Variants in PDE4B observed in about 807,000 individuals in gnomAD.
PDE4B encodes phosphodiesterase 4B, also known as 3',5'-cyclic-AMP phosphodiesterase 4B.
Under a neutral mutation model 82.2 loss-of-function variants are expected in PDE4B, and 20 were observed. The ratio of observed to expected loss-of-function variants is 0.24; its 90% CI spans 0.17 to 0.35. The LOEUF (loss-of-function observed/expected upper bound fraction) is 0.35. Ranked by LOEUF, PDE4B falls within the 10% of genes least tolerant of loss-of-function variation. The pLI, the probability that PDE4B is intolerant of heterozygous loss-of-function variation, is 1.00. For missense variants in PDE4B, 655 were observed against 907.2 expected, an observed-to-expected ratio of 0.72 and a Z score of 3.57; for synonymous variants, 320 against 318.9, an observed-to-expected ratio of 1.00 and a Z score of -0.04.
chr1:66,058,448 C>T (rs1214089299), intron 3 of PDE4B, among the ~76,000 whole-genome samples: 1 of 152,238 alleles, frequency 6.6e-6, no homozygotes, highest in East Asian at 1.9e-4. Flanking sequence ...TGTGGGGGCT[C>T]TGACTACACA....
At chr1:66,289,222 G>A (rs980774761) in intron 7 of PDE4B, among the ~76,000 whole-genome samples, 1 of 152,062 alleles carries the variant, frequency 6.6e-6, no homozygotes, top group Non-Finnish European at 1.5e-5. Context: ...GAGCCATGAT[G>A]GTGTCTCTGC....
chr1:66,010,493 A>G (rs1181670728), intron 3 of PDE4B, among the ~76,000 whole-genome samples: 10 of 151,852 alleles, frequency 6.6e-5, no homozygotes, highest in Admixed American at 5.9e-4. Context: ...TGTACCTAGT[A>G]TACTATCTAA....
rs569022171 is a variant in PDE4B, at chr1:66,250,156, T to C, written c.476+2502T>C. Among the ~76,000 whole-genome samples, 62 of 152,298 alleles carry C rather than the reference T, an allele frequency of 4.1e-4. No homozygotes were observed. The South Asian group carries it at 0.013, about 31-fold the overall frequency. ...TCATATGATTATTAACTCTTTAAGATGAATCGAAACAGAGGAACAGCAGCT... is the reference window on the plus strand; with the variant it reads ...TCATATGATTATTAACTCTTTAAGACGAATCGAAACAGAGGAACAGCAGCT... On this transcript the variant is annotated intron_variant, in intron 4 of 16. Coordinates refer to ENST00000341517, the MANE Select transcript of PDE4B (RefSeq NM_002600.4).
intron 3 of PDE4B, among the ~76,000 whole-genome samples, chr1:66,004,655 G>T (rs1652047753): frequency 6.6e-6 from 1 of 151,788 alleles, no homozygotes; most frequent in Admixed American, 6.6e-5. Context: ...ACATTTAATG[G>T]TCTTTTCAAA....
At chr1:66,275,547 A>G (rs1201440121) in intron 7 of PDE4B, among the ~76,000 whole-genome samples, 1 of 152,196 alleles carries the variant, frequency 6.6e-6, no homozygotes, top group Non-Finnish European at 1.5e-5. Context: ...AGGAGGTTGG[A>G]GTTAGCCTAG....
intron 6 of PDE4B, 79 bp downstream of exon 6, chr1:66,257,942 A>G (rs1379646692): frequency 2.0e-5 from 19 of 943,538 alleles, no homozygotes; most frequent in Non-Finnish European, 2.9e-5. Context: ...AAAAAATACA[A>G]CTATTACATG....
At chr1:66,170,752 T>C (rs1185926752) in intron 3 of PDE4B, among the ~76,000 whole-genome samples, 1 of 152,146 alleles carries the variant, frequency 6.6e-6, no homozygotes, top group Non-Finnish European at 1.5e-5. Flanking sequence ...ATTTTGAAGA[T>C]TAACACAGCA....
chr1:65,944,770 G>C (rs1648617767), intron 3 of PDE4B, among the ~76,000 whole-genome samples: 1 of 151,814 alleles, frequency 6.6e-6, no homozygotes, highest in Non-Finnish European at 1.5e-5. Flanking sequence ...CTTGGGTCTG[G>C]AGATTTGGAG....
intron 3 of PDE4B, among the ~76,000 whole-genome samples, chr1:66,187,643 G>A (rs1312375021): frequency 6.6e-6 from 1 of 152,208 alleles, no homozygotes; most frequent in African/African-American, 2.4e-5. Context: ...AGTATTCTCT[G>A]ATGGTAGTTG....
At chr1:66,298,252 T>C (rs1657646679) in intron 7 of PDE4B, among the ~76,000 whole-genome samples, 1 of 152,020 alleles carries the variant, frequency 6.6e-6, no homozygotes, top group Non-Finnish European at 1.5e-5. Flanking sequence ...ATTTTGAAAA[T>C]AGGAGGAGGA....
intron 7 of PDE4B, among the ~76,000 whole-genome samples, chr1:66,314,864 A>G (rs141766769): frequency 1.1e-4 from 16 of 152,354 alleles, no homozygotes; most frequent in African/African-American, 3.8e-4. Context: ...CTTATGAAGT[A>G]CCTGCTCTGT....
At chr1:66,173,192 T>C (rs1455689139) in intron 3 of PDE4B, among the ~76,000 whole-genome samples, 1 of 152,190 alleles carries the variant, frequency 6.6e-6, no homozygotes, top group Non-Finnish European at 1.5e-5. Context: ...TAGCATAGCA[T>C]GACTCATCCT....
At chr1:66,191,833 CA>C (rs1053140641) in intron 3 of PDE4B, among the ~76,000 whole-genome samples, 1 of 152,022 alleles carries the variant, frequency 6.6e-6, no homozygotes, top group Admixed American at 6.6e-5. Flanking sequence ...AGCAGCAGAC[CA>C]GGGGGAATGA....
chr1:66,368,973 T>G lies in PDE4B; in HGVS notation c.1845+4T>G. 1 of 1,597,474 alleles carries G rather than the reference T, an allele frequency of 6.3e-7. No homozygotes were observed. Among genetic ancestry groups the G allele is most frequent in the Non-Finnish European group, 8.5e-7 (1 of 1,170,670 alleles). On this transcript the variant is annotated splice_donor_region_variant and intron_variant, in intron 16 of 16. Transcript: ENST00000341517. ...AGCTTCTGTGGAAAAATCCCAGGTA[T>G]CTAATATGAGATTTTCAAAGTTTTT...
intron 1 of PDE4B, among the ~76,000 whole-genome samples, chr1:65,858,015 T>C (rs1646412696): frequency 6.6e-6 from 1 of 152,238 alleles, no homozygotes; most frequent in Non-Finnish European, 1.5e-5. Flanking sequence ...CATATATTTC[T>C]GGCTTTGCAC....
At chr1:65,974,644 A>G (rs1488181690) in intron 3 of PDE4B, among the ~76,000 whole-genome samples, 1 of 152,146 alleles carries the variant, frequency 6.6e-6, no homozygotes, top group East Asian at 1.9e-4. Context: ...AGGTGAATGA[A>G]TCATGGGGGT....
chr1:65,875,499 C>T (rs1458372544), intron 1 of PDE4B, among the ~76,000 whole-genome samples: 1 of 145,374 alleles, frequency 6.9e-6, no homozygotes, highest in Non-Finnish European at 1.5e-5. Context: ...GACACATGCA[C>T]ACATATGTTT....
intron 3 of PDE4B, among the ~76,000 whole-genome samples, chr1:65,982,012 G>A (rs1650715396): frequency 6.6e-6 from 1 of 152,188 alleles, no homozygotes; most frequent in Non-Finnish European, 1.5e-5. Context: ...AGGTAGTGCT[G>A]TAAAAATACT....
At chr1:66,201,357 T>A (rs911478044) in intron 3 of PDE4B, among the ~76,000 whole-genome samples, 52 of 146,928 alleles carry the variant, frequency 3.5e-4, no homozygotes, top group South Asian at 1.1e-3. Context: ...GATGCTGGCC[T>A]CATAAAATGA....
Sources: gnomAD v4.1 joint callset for allele counts (sites outside exome capture counted in the v4.1 genomes callset) on GRCh38, gnomAD v4.1.1 for gene constraint, MANE v1.5 for transcripts, NCBI Gene and HGNC (gene_info 2026-07-23, HGNC 2026-07-21) for gene names.